CRACD: variants seen among roughly 807,000 people sequenced by gnomAD.
CRACD encodes capping protein inhibiting regulator of actin dynamics, also known as capping protein-inhibiting regulator of actin dynamics.
In CRACD, 56 loss-of-function variants were observed where a neutral mutation model predicts 106.8. The ratio of observed to expected loss-of-function variants is 0.52; its 90% CI spans 0.42 to 0.66. The LOEUF is 0.66. CRACD is among the 30% of genes least tolerant of loss of function. The probability of loss-of-function intolerance (pLI) is 0.00; values close to 1 mark genes in which losing one functional copy is unlikely to be tolerated. For missense variants in CRACD, 1,730 were observed against 1,623.2 expected, an observed-to-expected ratio of 1.07 and a Z score of -1.13; for synonymous variants, 754 against 670.8, an observed-to-expected ratio of 1.12 and a Z score of -1.92.
intron 1 of CRACD, among the ~76,000 whole-genome samples, chr4:56,060,721 G>A (rs1054044178): frequency 1.3e-5 from 2 of 152,190 alleles, no homozygotes; most frequent in Non-Finnish European, 2.9e-5. Flanking sequence ...ACCCCAAGGT[G>A]ATGGTATTAG....
chr4:56,282,123 C>T (rs987845763), intron 3 of CRACD, among the ~76,000 whole-genome samples: 6 of 152,140 alleles, frequency 3.9e-5, no homozygotes, highest in Non-Finnish European at 8.8e-5. Flanking sequence ...ATGAGACTCA[C>T]GGATCTGTTT....
intron 2 of CRACD, among the ~76,000 whole-genome samples, chr4:56,254,880 G>A (rs1305832412): frequency 9.7e-5 from 11 of 113,520 alleles, no homozygotes; most frequent in Admixed American, 5.1e-4. Flanking sequence ...TGAGGTGGGC[G>A]GATCATGAGG....
chr4:56,252,448 T>G (rs1056193159), intron 2 of CRACD, among the ~76,000 whole-genome samples: 7 of 152,198 alleles, frequency 4.6e-5, no homozygotes, highest in African/African-American at 7.2e-5. Flanking sequence ...CTCCTAACTT[T>G]CTGTGGGTTC....
chr4:56,125,248 A>AT (rs1319608146), intron 1 of CRACD, among the ~76,000 whole-genome samples: 2 of 151,960 alleles, frequency 1.3e-5, no homozygotes, highest in Admixed American at 6.6e-5. Context: ...CAAAATGTTG[A>AT]TTTTTTTAAA....
At chr4:56,270,978 G>A (rs963896470) in intron 2 of CRACD, among the ~76,000 whole-genome samples, 17 of 151,676 alleles carry the variant, frequency 1.1e-4, no homozygotes, top group Admixed American at 7.9e-4. Context: ...GGTGGCAGGC[G>A]CCTGTGATCC....
rs183881934 is a variant in CRACD at position 56,219,344 on chromosome 4, G to A, written c.-189+39914G>A. Among the ~76,000 whole-genome samples the A allele has an allele frequency of 5.9e-5, 9 of 152,132 alleles. No individual in the cohort carries two copies. The East Asian group carries it at 7.7e-4, about 13-fold the overall frequency. The stretch of plus-strand genomic sequence containing the variant: ...GTGAAATGAATATTAGGTTTTGTTC[G>A]TTTGTTTGTTTGTTTGTTTTTGAGA... On this transcript the variant is annotated intron_variant, in intron 2 of 10. Transcript: ENST00000682029.
rs1745452480 is a variant in CRACD at position 56,314,761 on chromosome 4, G to GT, written c.1260dup (p.Glu421Ter). 28 of 1,590,880 alleles carry GT rather than the reference G, an allele frequency of 1.8e-5. No individual in the cohort carries two copies. Among genetic ancestry groups the GT allele is most frequent in the Non-Finnish European group, 2.4e-5 (28 of 1,169,956 alleles). On this transcript the variant is annotated frameshift_variant, in exon 8 of 11. Coordinates refer to ENST00000682029, the MANE Select transcript of CRACD (RefSeq NM_001393381.1). LOFTEE classifies it high-confidence loss of function. The surrounding 1 kb of genome is among the most constrained non-coding windows in gnomAD (Gnocchi z 4.4). ...CTGGAGGACTGGAGGGGGCAGCTCA[G>GT]TGAGCTTCTGAACGACTTTGAGGAG...
At chr4:56,052,814 T>C (rs1226043126) in intron 1 of CRACD, among the ~76,000 whole-genome samples, 1 of 152,214 alleles carries the variant, frequency 6.6e-6, no homozygotes, top group Non-Finnish European at 1.5e-5. Flanking sequence ...CCCCCATGGT[T>C]TTCTGATGTT....
intron 1 of CRACD, among the ~76,000 whole-genome samples, chr4:56,104,604 T>G (rs1398835673): frequency 6.6e-6 from 1 of 152,200 alleles, no homozygotes; most frequent in African/African-American, 2.4e-5. Flanking sequence ...AACTGCACGT[T>G]CCCAGTGGGT....
chr4:56,316,247 C>T lies in CRACD; in HGVS notation c.2745C>T (p.Ser915=). 2 of 1,613,992 alleles carry T rather than the reference C, an allele frequency of 1.2e-6. No homozygotes were observed. Among genetic ancestry groups the T allele is most frequent in the Non-Finnish European group, 1.7e-6 (2 of 1,179,846 alleles). ...CCCAAGAGCGGAAGCAAGCCCCTTC[C>T]ACCCGGAGGGACTCCGCTGAACCTT... The part of the protein sequence containing the change: ...SLPQERKQAP[S]TRRDSAEPSS... Residue 915 remains serine, a synonymous_variant, in exon 8 of 11, where the codon TCC becomes TCT. Coordinates refer to ENST00000682029, the MANE Select transcript of CRACD (RefSeq NM_001393381.1).
intron 2 of CRACD, among the ~76,000 whole-genome samples, chr4:56,228,061 G>A (rs1739405001): frequency 6.6e-6 from 1 of 152,038 alleles, no homozygotes; most frequent in Admixed American, 6.6e-5. Context: ...CAGGTCCTAG[G>A]CCCCTACCCT....
At chr4:56,287,702 AG>A (rs1743452595) in intron 3 of CRACD, among the ~76,000 whole-genome samples, 1 of 152,156 alleles carries the variant, frequency 6.6e-6, no homozygotes, top group South Asian at 2.1e-4. Flanking sequence ...TATAGCCATT[AG>A]CCACCATGCC....
intron 2 of CRACD, among the ~76,000 whole-genome samples, chr4:56,184,551 G>T (rs1162894921): frequency 2.6e-5 from 4 of 152,188 alleles, no homozygotes; most frequent in African/African-American, 7.2e-5. Context: ...AGGTCTCCTC[G>T]ATTGCCTTTT....
rs1296831562 is a variant in CRACD, at chr4:56,314,024, T to C, written c.538-16T>C. ...AGAAAGCAAAAGGCTAATTGTGTTT[T>C]CCTTTCCAATGTTAGGATCCACAAC... is the stretch of plus-strand genomic sequence containing the variant. On this transcript the variant is annotated splice_polypyrimidine_tract_variant and intron_variant, in intron 7 of 10. Coordinates refer to ENST00000682029, the MANE Select transcript of CRACD (RefSeq NM_001393381.1). The surrounding 1 kb of genome is among the most constrained non-coding windows in gnomAD (Gnocchi z 4.4). 1.3e-5 allele frequency: 21 copies of C among 1,607,056 alleles called. No individual in the cohort carries two copies. Among genetic ancestry groups the C allele is most frequent in the Non-Finnish European group, 1.7e-5 (20 of 1,176,480 alleles).
At chr4:56,207,560 A>T (rs1188921588) in intron 2 of CRACD, among the ~76,000 whole-genome samples, 1 of 152,000 alleles carries the variant, frequency 6.6e-6, no homozygotes, top group African/African-American at 2.4e-5. Flanking sequence ...TCAAGGCATA[A>T]GGTTGTCCAT....
intron 2 of CRACD, among the ~76,000 whole-genome samples, chr4:56,182,460 G>A (rs1736871452): frequency 6.6e-6 from 1 of 151,698 alleles, no homozygotes; most frequent in South Asian, 2.1e-4. Context: ...CCAGGTCTAG[G>A]CCAGGCATGT....
intron 2 of CRACD, among the ~76,000 whole-genome samples, chr4:56,204,899 C>G (rs1738048142): frequency 6.6e-6 from 1 of 152,096 alleles, no homozygotes; most frequent in Non-Finnish European, 1.5e-5. Context: ...GTGGCTCATG[C>G]CTGTAATCTC....
chr4:56,310,339 G>GTTT (rs1745057895), intron 5 of CRACD, among the ~76,000 whole-genome samples: 1 of 152,170 alleles, frequency 6.6e-6, no homozygotes, highest in Non-Finnish European at 1.5e-5. Context: ...ATGAGACACA[G>GTTT]CCCTGCACCC....
intron 1 of CRACD, chr4:56,049,987 T>C (rs1731815460): frequency 6.6e-6 from 1 of 151,900 alleles, no homozygotes; most frequent in Non-Finnish European, 1.5e-5. Flanking sequence ...AGTGGCGAGA[T>C]TGGACCTCCT....
Sources: allele counts gnomAD v4.1 joint callset (sites outside exome capture counted in the v4.1 genomes callset), GRCh38; gene constraint gnomAD v4.1.1; non-coding constraint Gnocchi (gnomAD v3.1); transcripts MANE v1.5; gene names NCBI Gene and HGNC (gene_info 2026-07-23, HGNC 2026-07-21).